The following ARHGEF26 variants were observed in gnomAD, a reference collection of about 807,000 sequenced individuals.
The protein encoded by ARHGEF26 is Rho guanine nucleotide exchange factor 26.
Under a neutral mutation model 89.4 loss-of-function variants are expected in ARHGEF26, and 59 were observed. That is an observed-to-expected ratio of 0.66 (90% CI 0.54 to 0.82). ARHGEF26 has a LOEUF of 0.82. ARHGEF26 is among the 40% of genes least tolerant of loss of function. The probability of loss-of-function intolerance (pLI) is 0.00; values close to 1 mark genes in which losing one functional copy is unlikely to be tolerated. For missense variants in ARHGEF26, 1,234 were observed against 1,085.6 expected (o/e 1.14, Z -1.92); for synonymous variants, 500 against 428.4 (o/e 1.17, Z -2.06).
At chr3:154,178,121 T>A (rs945429841) in intron 6 of ARHGEF26, among the ~76,000 whole-genome samples, 9 of 152,040 alleles carry the variant, frequency 5.9e-5, no homozygotes, top group Admixed American at 5.9e-4. Flanking sequence ...AGAGAATCGC[T>A]TGAACCCGGG....
chr3:154,233,339 A>G (rs552869236), intron 11 of ARHGEF26, among the ~76,000 whole-genome samples: 4 of 152,238 alleles, frequency 2.6e-5, no homozygotes, highest in African/African-American at 9.6e-5. Context: ...CATAAATTCA[A>G]TGTCCTTCAT....
intron 6 of ARHGEF26, among the ~76,000 whole-genome samples, chr3:154,185,183 C>G (rs142956613): frequency 1.3e-5 from 2 of 151,964 alleles, no homozygotes; most frequent in Non-Finnish European, 2.9e-5. Flanking sequence ...TTATACCAAC[C>G]GACTCTCTAA....
chr3:154,146,012 G>A (rs1413778284), intron 4 of ARHGEF26, among the ~76,000 whole-genome samples: 3 of 152,034 alleles, frequency 2.0e-5, no homozygotes, highest in African/African-American at 4.8e-5. Context: ...CCTTTTTAGA[G>A]TATTTATCTG....
chr3:154,122,109 C>T lies in ARHGEF26; in HGVS notation c.117C>T (p.Ser39=), dbSNP rs754718776. Residue 39 remains serine, a synonymous_variant, in exon 2 of 15, where the codon TCC becomes TCT. Transcript: ENST00000465093. The part of the protein sequence containing the change: ...VLGRSKPRPQ[S]YQSPNGLLIT... Reference sequence around the variant, plus strand: ...GCCGGAGCAAGCCGAGGCCCCAGTCCTACCAGAGCCCCAACGGGTTACTAA... The same window carrying T: ...GCCGGAGCAAGCCGAGGCCCCAGTCTTACCAGAGCCCCAACGGGTTACTAA... 5 of 1,610,098 alleles carry T rather than the reference C, an allele frequency of 3.1e-6. No homozygotes were observed. The highest frequency in any genetic ancestry group is 4.2e-6 in the Non-Finnish European group (5 of 1,178,166).
chr3:154,181,550 C>A (rs1191295316), intron 6 of ARHGEF26, among the ~76,000 whole-genome samples: 1 of 152,060 alleles, frequency 6.6e-6, no homozygotes, highest in Non-Finnish European at 1.5e-5. Flanking sequence ...TCCTTTTTTT[C>A]TGTGTTTCCA....
At chr3:154,121,112 C>G (rs1717860510), upstream of ARHGEF26, 2 of 152,300 alleles carry the variant, frequency 1.3e-5, no homozygotes, top group African/African-American at 4.8e-5. Flanking sequence ...TTCAGCAGGG[C>G]TCCCTTGCTT....
At position 154,187,821 on chromosome 3, in the gene ARHGEF26, A is replaced by G. The variant is rs1329760302; in HGVS notation, c.1624A>G (p.Thr542Ala). 5.6e-6 allele frequency: 9 copies of G among 1,609,554 alleles called. No individual in the cohort carries two copies. The highest frequency in any genetic ancestry group is 7.6e-6 in the Non-Finnish European group (9 of 1,177,522). Reference protein sequence around the residue: ...YCTNEVYQQRTLQKLLATNPS... With the variant: ...YCTNEVYQQRALQKLLATNPS... The stretch of plus-strand genomic sequence containing the variant: ...CACAAATGAAGTCTACCAACAACGA[A>G]CACTACAAAAATTGTTGTAAGCAAT... The change falls in exon 7 of 15, where the codon ACA (threonine) becomes GCA (alanine). Residue 542 changes from threonine (T) to alanine (A), a missense_variant. Transcript: ENST00000465093.
Position 154,256,899 on chromosome 3 carries a change from C to CG in ARHGEF26, c.*1428dup. ...GAGAGAGAAAGGTTATCTTAATAGT[C>CG]GGTTTCATGGAGATGAAGGATGGGA... On this transcript the variant is annotated 3_prime_UTR_variant, in exon 15 of 15. Coordinates refer to ENST00000465093, the MANE Select transcript of ARHGEF26 (RefSeq NM_015595.4). 6.5e-7 allele frequency: 1 copy of CG among 1,534,680 alleles called. No individual in the cohort carries two copies.
chr3:154,122,215 A>G lies in ARHGEF26; in HGVS notation c.223A>G (p.Arg75Gly), dbSNP rs1397502772. The G allele has an allele frequency of 6.2e-7, 1 of 1,607,498 alleles. No homozygotes were observed. The highest frequency in any genetic ancestry group is 1.1e-5 in the South Asian group (1 of 90,092). Residue 75 changes from arginine (R) to glycine (G), a missense_variant, in exon 2 of 15, where the codon AGG (arginine) becomes GGG (glycine). Physicochemically the swap from Arg to Gly is moderately radical, Grantham distance 125. Transcript: ENST00000465093. ...CCAGGTGCCCACCGCCTCGGACAGC[A>G]GGACGGTACATAGGAGCCCCCTGCT... Reference protein sequence around the residue: ...PAQVPTASDSRTVHRSPLLLG... With the variant: ...PAQVPTASDSGTVHRSPLLLG...
intron 4 of ARHGEF26, among the ~76,000 whole-genome samples, chr3:154,145,874 T>C (rs1208767359): frequency 1.3e-5 from 2 of 152,210 alleles, no homozygotes; most frequent in Non-Finnish European, 2.9e-5. Flanking sequence ...TTCCAGTTAG[T>C]AGAGTCAAAG....
intron 2 of ARHGEF26, 25 bp from the exon 3 acceptor site, chr3:154,124,385 T>TTTTTTTTTTTTTTG: frequency 7.1e-7 from 1 of 1,401,550 alleles, no homozygotes; most frequent in African/African-American, 1.5e-5. Context: ...TTTTTTTTTT[T>TTTTTTTTTTTTTTG]TTTTTACTTT....
chr3:154,204,549 C>T (rs1403873859), intron 9 of ARHGEF26, among the ~76,000 whole-genome samples: 2 of 151,826 alleles, frequency 1.3e-5, no homozygotes, highest in African/African-American at 4.8e-5. Flanking sequence ...AGGCTGATCT[C>T]GATCTCCTGG....
intron 9 of ARHGEF26, among the ~76,000 whole-genome samples, chr3:154,199,166 A>G (rs1055255839): frequency 6.8e-6 from 1 of 147,902 alleles, no homozygotes; most frequent in Non-Finnish European, 1.5e-5. Context: ...TGTTCATTTT[A>G]TTTTTTTTTT....
chr3:154,203,904 A>AT (rs1487415997), intron 9 of ARHGEF26, among the ~76,000 whole-genome samples: 2 of 147,170 alleles, frequency 1.4e-5, no homozygotes, highest in Admixed American at 6.7e-5. Flanking sequence ...ATTTGCTAGT[A>AT]TTTTTTTGAG....
chr3:154,212,540 C>T (rs529260797), intron 9 of ARHGEF26, among the ~76,000 whole-genome samples: 1 of 141,114 alleles, frequency 7.1e-6, no homozygotes, highest in South Asian at 2.4e-4. Context: ...AAGTGGTCTC[C>T]AACCTTTTTG....
At position 154,256,548 on chromosome 3, in the gene ARHGEF26, T is replaced by TAAAAAAAAA. The variant is rs1474721087; in HGVS notation, c.*1094_*1102dup. On this transcript the variant is annotated 3_prime_UTR_variant, in exon 15 of 15. Transcript: ENST00000465093. The stretch of plus-strand genomic sequence containing the variant: ...GTGCCCAGCCTACTTTCTAATTAAT[T>TAAAAAAAAA]AAAAAAAAAAAAAAAAAAAAAAAAA... 1.5e-5 allele frequency: 10 copies of TAAAAAAAAA among 651,880 alleles called. No homozygotes were observed. Among genetic ancestry groups the TAAAAAAAAA allele is most frequent in the African/African-American group, 1.3e-4 (3 of 22,398 alleles). 40.4% of individuals were successfully genotyped at this position (651,880 alleles called of 1,614,324 possible).
intron 14 of ARHGEF26, among the ~76,000 whole-genome samples, 168 bp downstream of exon 14, chr3:154,254,992 TTTC>T (rs1183586126): frequency 6.6e-6 from 1 of 152,166 alleles, no homozygotes; most frequent in African/African-American, 2.4e-5. Context: ...ACCATGACGT[TTTC>T]TTTTTTCCCC....
chr3:154,255,962 C>T lies in ARHGEF26; in HGVS notation c.*489C>T, dbSNP rs972687119. 1.4e-5 allele frequency: 14 copies of T among 985,410 alleles called. No homozygotes were observed. In the African/African-American group the frequency reaches 1.6e-4, roughly 11 times the overall value. The allele number at this position is 985,410 out of a possible 1,614,324, so 61.0% of individuals were successfully genotyped here. On this transcript the variant is annotated 3_prime_UTR_variant, in exon 15 of 15. Coordinates refer to ENST00000465093, the MANE Select transcript of ARHGEF26 (RefSeq NM_015595.4). ...TTTTTTACATCTGATTTTAATGCTT[C>T]GTTAACTTCAAAAGGAACTGGTAGA...
At chr3:154,239,299 A>AGTGTGTGT (rs142191516) in intron 11 of ARHGEF26, among the ~76,000 whole-genome samples, 20 of 64,324 alleles carry the variant, frequency 3.1e-4, no homozygotes, top group East Asian at 1.7e-3. Flanking sequence ...AGAGAGAGAG[A>AGTGTGTGT]GTGTGTGTGT....
Sources: allele counts gnomAD v4.1 joint callset (sites outside exome capture counted in the v4.1 genomes callset), GRCh38; gene constraint gnomAD v4.1.1; transcripts MANE v1.5; gene names NCBI Gene and HGNC (gene_info 2026-07-23, HGNC 2026-07-21).